RNF150: variants seen among roughly 807,000 people sequenced by gnomAD.
The protein encoded by RNF150 is ring finger protein 150.
Under a neutral mutation model 39.3 loss-of-function variants are expected in RNF150, and 24 were observed. The ratio of observed to expected loss-of-function variants is 0.61; its 90% confidence interval spans 0.44 to 0.86. The LOEUF is 0.86. Among genes scored for constraint, RNF150 ranks in the 40% least tolerant of loss-of-function variants. RNF150 has a pLI of 0.00. For missense variants in RNF150, 502 were observed against 587.8 expected, an observed-to-expected ratio of 0.85 and a Z score of 1.51; for synonymous variants, 255 against 227.3, an observed-to-expected ratio of 1.12 and a Z score of -1.10.
At chr4:140,949,160 G>A in intron 3 of RNF150, 141 bp downstream of exon 3, 3 of 548,400 alleles carry the variant, frequency 5.5e-6, no homozygotes, top group Non-Finnish European at 9.7e-6. Flanking sequence ...ATTAAGAAGA[G>A]TATAATAACA....
chr4:140,898,932 G>T (rs1216160305), intron 6 of RNF150, among the ~76,000 whole-genome samples: 1 of 152,148 alleles, frequency 6.6e-6, no homozygotes, highest in Non-Finnish European at 1.5e-5. Context: ...ATAGAAATGA[G>T]TGATTTGTTT....
At chr4:141,053,659 A>AG (rs1231838403) in intron 1 of RNF150, 1 of 1,362,834 alleles carries the variant, frequency 7.3e-7, no homozygotes, top group Non-Finnish European at 9.5e-7. Context: ...TAGAGGCTAA[A>AG]GCATACCTGA....
intron 1 of RNF150, among the ~76,000 whole-genome samples, chr4:141,183,155 C>T (rs937378516): frequency 1.3e-5 from 2 of 151,724 alleles, no homozygotes; most frequent in Non-Finnish European, 2.9e-5. Context: ...AGCAGTGGCT[C>T]ATTATGGTTA....
chr4:140,911,149 G>C lies in RNF150; in HGVS notation c.1193C>G (p.Thr398Ser). The C allele has an allele frequency of 6.2e-7, 1 of 1,612,246 alleles. No homozygotes were observed. Among genetic ancestry groups the C allele is most frequent in the Non-Finnish European group, 8.5e-7 (1 of 1,178,244 alleles). ...TTAAGTATGGCAGAACTCACTGTTAGTAGTAAAGATGACGTCTCCCTCCTG... is the reference window on the plus strand; with the variant it reads ...TTAAGTATGGCAGAACTCACTGTTACTAGTAAAGATGACGTCTCCCTCCTG... ...IPQEGDVIFT[T>S]NSEQEPAVSS... Residue 398 changes from threonine to serine, a missense_variant, in exon 6 of 7, where the codon ACT (threonine) becomes AGT (serine). Physicochemically the swap from Thr to Ser is moderately conservative, Grantham distance 58. Transcript: ENST00000515673.
chr4:140,965,466 G>A (rs934233372), intron 2 of RNF150, among the ~76,000 whole-genome samples: 4 of 152,084 alleles, frequency 2.6e-5, no homozygotes, highest in Admixed American at 6.6e-5. Flanking sequence ...CATTATTCAC[G>A]ACAGCGAAGA....
At chr4:140,949,240 A>C in intron 3 of RNF150, 61 bp downstream of exon 3, 3 of 1,339,392 alleles carry the variant, frequency 2.2e-6, no homozygotes, top group African/African-American at 1.5e-5. Context: ...CCCTGGCTAT[A>C]AGAAAAGTTA....
intron 1 of RNF150, among the ~76,000 whole-genome samples, chr4:140,968,778 G>C (rs1733348690): frequency 1.3e-5 from 2 of 151,484 alleles, no homozygotes; most frequent in South Asian, 4.2e-4. Context: ...GAAGCCTCTT[G>C]GTGAGGAGTT....
At chr4:141,023,143 T>G (rs1187248429) in intron 1 of RNF150, among the ~76,000 whole-genome samples, 1 of 152,200 alleles carries the variant, frequency 6.6e-6, no homozygotes, top group Non-Finnish European at 1.5e-5. Flanking sequence ...TACAATGCAC[T>G]CTAGCACTGA....
At chr4:140,978,538 T>C (rs1001102244) in intron 1 of RNF150, among the ~76,000 whole-genome samples, 1 of 152,160 alleles carries the variant, frequency 6.6e-6, no homozygotes, top group Non-Finnish European at 1.5e-5. Flanking sequence ...GTGGTAACTG[T>C]AGGGTGAGTG....
intron 1 of RNF150, among the ~76,000 whole-genome samples, chr4:141,017,685 G>T (rs570443877): frequency 6.6e-6 from 1 of 152,194 alleles, no homozygotes; most frequent in African/African-American, 2.4e-5. Context: ...TGCAACCACT[G>T]ATCTTTTTAA....
At chr4:140,978,780 TAAA>T (rs1193223543) in intron 1 of RNF150, among the ~76,000 whole-genome samples, 2 of 152,100 alleles carry the variant, frequency 1.3e-5, no homozygotes, top group Non-Finnish European at 2.9e-5. Flanking sequence ...AAATCAGTCT[TAAA>T]AAATAACTTG....
intron 1 of RNF150, among the ~76,000 whole-genome samples, chr4:141,052,829 G>A (rs1389503483): frequency 1.3e-5 from 2 of 152,136 alleles, no homozygotes; most frequent in Non-Finnish European, 2.9e-5. Context: ...TTCAAGAAAA[G>A]CTAAAACTCA....
chr4:140,921,272 A>C (rs955110226), intron 5 of RNF150, among the ~76,000 whole-genome samples: 2 of 151,816 alleles, frequency 1.3e-5, no homozygotes, highest in African/African-American at 4.8e-5. Context: ...ACAATAAAAA[A>C]TGGCAAAGGG....
intron 3 of RNF150, among the ~76,000 whole-genome samples, 178 bp downstream of exon 3, chr4:140,949,123 C>T (rs4956493): frequency 0.52 from 78,965 of 151,934 alleles, 20,896 homozygotes; most frequent in African/African-American, 0.56. Flanking sequence ...TCATAGCATA[C>T]GCATTTTATA....
At position 140,899,970 on chromosome 4, in the gene RNF150, C is replaced by CTG. The variant is rs777164803; in HGVS notation, c.1198+11173_1198+11174insCA. 1.1e-3 allele frequency among the ~76,000 whole-genome samples: 153 copies of CTG among 135,384 alleles called. 1 individual carries two copies. The highest frequency in any genetic ancestry group is 4.3e-3 in the African/African-American group (148 of 34,138). The allele number at this position is 135,384 out of a possible 152,430, so 88.8% of individuals were successfully genotyped here. A position where few individuals can be genotyped will look rare whatever the true frequency, so the allele number is the denominator to read the frequency against. ...TCTCTCTCTCTCTCTCTCTCTCTCT[C>CTG]TCTCTGTGTGTGTGTGTGTGTGTGT... On this transcript the variant is annotated intron_variant, in intron 6 of 6. Coordinates refer to ENST00000515673, the MANE Select transcript of RNF150 (RefSeq NM_020724.2).
At chr4:141,077,377 C>G (rs1335581569) in intron 1 of RNF150, among the ~76,000 whole-genome samples, 1 of 152,034 alleles carries the variant, frequency 6.6e-6, no homozygotes, top group East Asian at 1.9e-4. Flanking sequence ...GTAGAAGAAG[C>G]CAGATGCAAA....
At chr4:141,152,679 C>T (rs948328011) in intron 1 of RNF150, among the ~76,000 whole-genome samples, 1 of 152,166 alleles carries the variant, frequency 6.6e-6, no homozygotes, top group Non-Finnish European at 1.5e-5. Context: ...TTATCCTGCC[C>T]CAGAAGATGT....
chr4:141,000,838 T>C (rs575142714), intron 1 of RNF150, among the ~76,000 whole-genome samples: 12 of 152,276 alleles, frequency 7.9e-5, no homozygotes, highest in Admixed American at 7.2e-4. Context: ...ATTTGGAAGT[T>C]TTTTCAACTT....
intron 6 of RNF150, among the ~76,000 whole-genome samples, chr4:140,907,266 G>C (rs899045722): frequency 1.3e-5 from 2 of 152,196 alleles, no homozygotes; most frequent in Non-Finnish European, 2.9e-5. Context: ...TGAAGGTGGA[G>C]GAGATACACT....
Sources: allele counts gnomAD v4.1 joint callset (sites outside exome capture counted in the v4.1 genomes callset), GRCh38; gene constraint gnomAD v4.1.1; transcripts MANE v1.5; gene names NCBI Gene and HGNC (gene_info 2026-07-23, HGNC 2026-07-21).